Variants in ESRRG observed in about 807,000 individuals in gnomAD.
ESRRG encodes estrogen related receptor gamma, also known as estrogen-related receptor gamma.
In ESRRG, 13 loss-of-function variants were observed where a neutral mutation model predicts 44.0. The observed-to-expected ratio is 0.30, with a 90% CI of 0.19 to 0.47. The LOEUF is 0.47. Among genes scored for constraint, ESRRG ranks in the 20% least tolerant of loss-of-function variants. ESRRG has a pLI of 1.00. For synonymous variants in ESRRG, 215 were observed against 214.6 expected (o/e 1.00, Z -0.02); for missense variants, 395 against 580.6 (o/e 0.68, Z 3.29).
Position 216,719,877 on chromosome 1 carries a change from T to G in ESRRG, c.56+3367A>C, listed in dbSNP as rs145319539. Among the ~76,000 whole-genome samples the G allele has an allele frequency of 2.0e-5, 3 of 152,070 alleles. No individual in the cohort carries two copies. The East Asian group carries it at 5.8e-4, about 29-fold the overall frequency. The stretch of plus-strand genomic sequence containing the variant: ...GAGAAACCATCACTGTAAGAAGAAA[T>G]AGCCAACACCATCACCCTTAGCTCT... On this transcript the variant is annotated intron_variant, in intron 1 of 6. Coordinates refer to ENST00000408911, the MANE Select transcript of ESRRG (RefSeq NM_001438.4).
chr1:216,989,715 A>T (rs1274487808), intron 1 of ESRRG, among the ~76,000 whole-genome samples: 1 of 152,110 alleles, frequency 6.6e-6, no homozygotes, highest in African/African-American at 2.4e-5. Context: ...TTCAGAGAAA[A>T]AGTGTGTCCC....
intron 2 of ESRRG, among the ~76,000 whole-genome samples, chr1:216,812,573 C>A (rs2095009071): frequency 6.6e-6 from 1 of 152,148 alleles, no homozygotes; most frequent in African/African-American, 2.4e-5. Flanking sequence ...GCATTCTTCA[C>A]TATATACTAG....
intron 3 of ESRRG, among the ~76,000 whole-genome samples, chr1:216,623,227 G>C (rs188748889): frequency 2.0e-5 from 3 of 151,436 alleles, no homozygotes; most frequent in Non-Finnish European, 2.9e-5. Context: ...GGACTACAGG[G>C]GCCCACCACC....
At chr1:216,576,749 TTGCTC>T (rs1323892448) in intron 3 of ESRRG, among the ~76,000 whole-genome samples, 1 of 152,032 alleles carries the variant, frequency 6.6e-6, no homozygotes, top group East Asian at 1.9e-4. Context: ...AGGAGAGATG[TTGCTC>T]TACCAGGGGT....
intron 5 of ESRRG, among the ~76,000 whole-genome samples, chr1:216,559,809 ACT>A: frequency 6.6e-6 from 1 of 152,184 alleles, no homozygotes; most frequent in African/African-American, 2.4e-5. Context: ...TAAAAATTTG[ACT>A]CTGTAAAATT....
intron 2 of ESRRG, among the ~76,000 whole-genome samples, chr1:216,911,615 T>A (rs2060307216): frequency 6.6e-6 from 1 of 152,136 alleles, no homozygotes; most frequent in African/African-American, 2.4e-5. Context: ...GATGTGTCAG[T>A]GCAGGTTCAT....
At chr1:217,059,911 A>G (rs975585933) in intron 1 of ESRRG, among the ~76,000 whole-genome samples, 21 of 152,054 alleles carry the variant, frequency 1.4e-4, no homozygotes, top group Admixed American at 2.0e-4. Flanking sequence ...TTTAAATGGG[A>G]AAGACTAGAC....
At chr1:216,558,045 T>G (rs147984500) in intron 5 of ESRRG, among the ~76,000 whole-genome samples, 100 of 152,178 alleles carry the variant, frequency 6.6e-4, no homozygotes, top group African/African-American at 2.4e-3. Context: ...ATGACAGAAT[T>G]GTATATTAGG....
At chr1:217,032,786 ATTGT>A (rs1323852453) in intron 1 of ESRRG, among the ~76,000 whole-genome samples, 3 of 152,312 alleles carry the variant, frequency 2.0e-5, no homozygotes, top group Non-Finnish European at 2.9e-5. Flanking sequence ...AAATATTCTC[ATTGT>A]TTGGGAAAAG....
chr1:216,859,782 C>T (rs1276317369), intron 2 of ESRRG, among the ~76,000 whole-genome samples: 5 of 152,086 alleles, frequency 3.3e-5, no homozygotes, highest in African/African-American at 1.2e-4. Flanking sequence ...ATAACTGCAT[C>T]CCAGAAAAAG....
chr1:216,639,298 G>A (rs2065919917), intron 3 of ESRRG, among the ~76,000 whole-genome samples: 2 of 152,158 alleles, frequency 1.3e-5, no homozygotes, highest in African/African-American at 4.8e-5. Flanking sequence ...TTAATGGGGT[G>A]GAGAGGGTGA....
At chr1:216,523,502 G>T (rs66497051) in intron 5 of ESRRG, among the ~76,000 whole-genome samples, 30,261 of 140,402 alleles carry the variant, frequency 0.22, 4,124 homozygotes, top group Non-Finnish European at 0.32. Flanking sequence ...TTTTTTTTTT[G>T]TTTTTTTTTT....
At chr1:216,520,960 T>C (rs1478262319) in intron 5 of ESRRG, among the ~76,000 whole-genome samples, 1 of 152,174 alleles carries the variant, frequency 6.6e-6, no homozygotes, top group Non-Finnish European at 1.5e-5. Context: ...TTTCCTGACC[T>C]ATTGGTGAAA....
At chr1:216,928,933 G>A (rs979941546) in intron 2 of ESRRG, among the ~76,000 whole-genome samples, 3 of 152,152 alleles carry the variant, frequency 2.0e-5, no homozygotes, top group Non-Finnish European at 4.4e-5. Context: ...AAGAATGGGG[G>A]ATGCTAGGGA....
chr1:216,757,334 T>C (rs756734139), intron 2 of ESRRG, among the ~76,000 whole-genome samples: 1 of 152,118 alleles, frequency 6.6e-6, no homozygotes, highest in Non-Finnish European at 1.5e-5. Flanking sequence ...ATGTCTTTCA[T>C]GGTACACAAT....
intron 2 of ESRRG, among the ~76,000 whole-genome samples, chr1:216,880,540 T>A (rs2096430197): frequency 6.6e-6 from 1 of 152,104 alleles, no homozygotes; most frequent in African/African-American, 2.4e-5. Flanking sequence ...TTAGCTTATA[T>A]CCAAATGTAG....
intron 1 of ESRRG, among the ~76,000 whole-genome samples, chr1:217,025,024 C>T (rs1281319625): frequency 6.6e-6 from 1 of 152,128 alleles, no homozygotes; most frequent in Non-Finnish European, 1.5e-5. Flanking sequence ...GACTGTGGAG[C>T]CCCTGCATAC....
intron 1 of ESRRG, among the ~76,000 whole-genome samples, chr1:217,063,427 C>A (rs1278513514): frequency 6.6e-6 from 1 of 152,202 alleles, no homozygotes; most frequent in Admixed American, 6.5e-5. Context: ...CTTTCCCTCA[C>A]CTGATAGGCT....
At chr1:216,930,906 G>A (rs750718610) in intron 2 of ESRRG, among the ~76,000 whole-genome samples, 2 of 152,208 alleles carry the variant, frequency 1.3e-5, no homozygotes, top group African/African-American at 4.8e-5. Flanking sequence ...CAATGATTAC[G>A]ATTTTTAAAG....
Sources: gnomAD v4.1 joint callset for allele counts (sites outside exome capture counted in the v4.1 genomes callset) on GRCh38, gnomAD v4.1.1 for gene constraint, MANE v1.5 for transcripts, NCBI Gene and HGNC (gene_info 2026-07-23, HGNC 2026-07-21) for gene names.